The following POT1 variants were observed in gnomAD, a reference collection of about 807,000 sequenced individuals.
The protein encoded by POT1 is protection of telomeres 1.
In POT1, 47 loss-of-function variants were observed where a neutral mutation model predicts 78.5. The observed-to-expected ratio is 0.60, with a 90% confidence interval of 0.47 to 0.76. The LOEUF is 0.76. Among genes scored for constraint, POT1 ranks in the 30% least tolerant of loss-of-function variants. The pLI, the probability that POT1 is intolerant of heterozygous loss-of-function variation, is 0.00. For missense variants in POT1, 646 were observed against 749.9 expected (o/e 0.86, Z 1.62); for synonymous variants, 259 against 260.7 (o/e 0.99, Z 0.06).
At chr7:124,868,782 T>TTATATTCAATAATAATTCAATA (rs1795794040) in intron 7 of POT1, among the ~76,000 whole-genome samples, 1 of 150,164 alleles carries the variant, frequency 6.7e-6, no homozygotes, top group East Asian at 1.9e-4. Context: ...ATTCAATATA[T>TTATATTCAATAATAATTCAATA]TATATTCAAT....
rs79361353 is a variant in POT1, at chr7:124,843,677, A to C, written c.1007-714T>G. Among the ~76,000 whole-genome samples the C allele has an allele frequency of 7.8e-3, 1,193 of 152,352 alleles. 18 individuals carry two copies. Among genetic ancestry groups the C allele is most frequent in the African/African-American group, 0.028 (1,148 of 41,576 alleles). On this transcript the variant is annotated intron_variant, in intron 12 of 18. Transcript: ENST00000357628. ...ATTGTAGTGATCAGTTTTTACTGGG[A>C]AAAAGTATAAAATTGCTGGTGACCC...
intron 3 of POT1, among the ~76,000 whole-genome samples, chr7:124,907,184 C>A (rs775936022): frequency 1.3e-5 from 2 of 152,086 alleles, no homozygotes; most frequent in Non-Finnish European, 2.9e-5. Context: ...TCACTGAAAT[C>A]TTTAAACTAA....
Position 124,842,848 on chromosome 7 carries a change from T to G in POT1, c.1122A>C (p.Leu374=), listed in dbSNP as rs143283657. The G allele has an allele frequency of 1.9e-6, 3 of 1,603,006 alleles. No homozygotes were observed. The highest frequency in any genetic ancestry group is 2.5e-6 in the Non-Finnish European group (3 of 1,177,458). Residue 374 remains leucine, a synonymous_variant, in exon 13 of 19, where the codon CTA becomes CTC. Coordinates refer to ENST00000357628, the MANE Select transcript of POT1 (RefSeq NM_015450.3). Reference sequence around the variant, plus strand: ...GGCAATGAAGTTTAACAGACTGAAATAGTCTTCTGGGCTTATATGACCTCA... The same window carrying G: ...GGCAATGAAGTTTAACAGACTGAAAGAGTCTTCTGGGCTTATATGACCTCA... ...AKLRSYKPRR[L]FQSVKLHCPK... is the part of the protein sequence containing the mutation.
At chr7:124,923,868 A>T (rs1051718404) in intron 2 of POT1, among the ~76,000 whole-genome samples, 7 of 151,718 alleles carry the variant, frequency 4.6e-5, no homozygotes, top group Non-Finnish European at 7.4e-5. Context: ...CAGAAGAGAA[A>T]GAATAACATT....
chr7:124,827,198 T>G lies in POT1; in HGVS notation c.1686+16A>C. 7.4e-7 allele frequency: 1 copy of G among 1,344,038 alleles called. No homozygotes were observed. The highest frequency in any genetic ancestry group is 1.7e-5 in the South Asian group (1 of 60,202). 83.3% of individuals were successfully genotyped at this position (1,344,038 alleles called of 1,614,324 possible). On this transcript the variant is annotated intron_variant, in intron 17 of 18. Transcript: ENST00000357628. ...ATTTTTTAATTAAAAATATCTTTAT[T>G]ACCTCTGATACTTACAGAATCCATG...
Position 124,913,918 on chromosome 7 carries a change from G to A in POT1, c.-154+1656C>T, listed in dbSNP as rs544374889. On this transcript the variant is annotated intron_variant, in intron 3 of 18. Coordinates refer to ENST00000357628, the MANE Select transcript of POT1 (RefSeq NM_015450.3). Reference sequence around the variant, plus strand: ...TGGGAGGCCGAGGTGGGTGGATCACGAGGTCAGGAGATCAAGACCATCCTG... The same window carrying A: ...TGGGAGGCCGAGGTGGGTGGATCACAAGGTCAGGAGATCAAGACCATCCTG... Among the ~76,000 whole-genome samples, 14 of 151,992 alleles carry A rather than the reference G, an allele frequency of 9.2e-5. No individual in the cohort carries two copies. The highest frequency in any genetic ancestry group is 1.3e-4 in the Non-Finnish European group (9 of 67,954).
intron 6 of POT1, among the ~76,000 whole-genome samples, chr7:124,874,366 C>T (rs190086357): frequency 6.6e-6 from 1 of 152,168 alleles, no homozygotes; most frequent in Admixed American, 6.5e-5. Context: ...TACTTACATA[C>T]AAAGCAAAGG....
chr7:124,826,868 C>CA (rs947249937), intron 17 of POT1, among the ~76,000 whole-genome samples: 2 of 112,178 alleles, frequency 1.8e-5, no homozygotes, highest in African/African-American at 6.6e-5. Context: ...GACTCCATCT[C>CA]AAAAAACAAA....
rs1259174908 is a variant in POT1, at chr7:124,823,091, T to C, written c.*871A>G. ...GCTTATCAATCAAGCCTCAGATTTC[T>C]TATCGGAAAAATAGGTTGCTGTGAG... On this transcript the variant is annotated 3_prime_UTR_variant, in exon 19 of 19. Coordinates refer to ENST00000357628, the MANE Select transcript of POT1 (RefSeq NM_015450.3). 1 of 153,358 alleles carries C rather than the reference T, an allele frequency of 6.5e-6. No individual in the cohort carries two copies. The highest frequency in any genetic ancestry group is 1.5e-5 in the Non-Finnish European group (1 of 68,756). 9.5% of individuals were successfully genotyped at this position (153,358 alleles called of 1,614,324 possible).
intron 15 of POT1, among the ~76,000 whole-genome samples, chr7:124,831,999 T>TAAAAAAA (rs752861454): frequency 2.0e-4 from 15 of 75,392 alleles, no homozygotes; most frequent in Non-Finnish European, 2.6e-4. Flanking sequence ...TTCTTAAAAA[T>TAAAAAAA]AAAAAAAAAA....
At chr7:124,839,904 T>G (rs947608899) in intron 14 of POT1, among the ~76,000 whole-genome samples, 1 of 152,068 alleles carries the variant, frequency 6.6e-6, no homozygotes, top group Admixed American at 6.6e-5. Flanking sequence ...GTCCACACTT[T>G]ACATTACTAA....
intron 9 of POT1, among the ~76,000 whole-genome samples, chr7:124,855,372 A>G (rs1795422726): frequency 6.6e-6 from 1 of 151,854 alleles, no homozygotes; most frequent in Non-Finnish European, 1.5e-5. Context: ...TTATTATACT[A>G]TCTTGTCTAC....
In POT1 at chr7:124,823,676, A is replaced by C; in HGVS notation, c.*286T>G. On this transcript the variant is annotated 3_prime_UTR_variant, in exon 19 of 19. Transcript: ENST00000357628. ...AGCACCCCAACAAAGCAACTTTGCCATTTCTACTTAAAGTACACTGTAGCT... is the reference window on the plus strand; with the variant it reads ...AGCACCCCAACAAAGCAACTTTGCCCTTTCTACTTAAAGTACACTGTAGCT... 3.6e-6 allele frequency: 1 copy of C among 278,686 alleles called. No homozygotes were observed. The highest frequency in any genetic ancestry group is 6.6e-6 in the Non-Finnish European group (1 of 150,638). The allele number at this position is 278,686 out of a possible 1,614,324, so 17.3% of individuals were successfully genotyped here.
At chr7:124,827,519 G>C (rs1794660858) in intron 16 of POT1, among the ~76,000 whole-genome samples, 1 of 152,168 alleles carries the variant, frequency 6.6e-6, no homozygotes, top group African/African-American at 2.4e-5. Context: ...TTGCCTGCTT[G>C]GTGTGTGGGT....
intron 6 of POT1, among the ~76,000 whole-genome samples, chr7:124,874,079 G>C (rs1408027678): frequency 3.3e-5 from 5 of 152,164 alleles, no homozygotes; most frequent in Non-Finnish European, 5.9e-5. Context: ...CAGCATCTTT[G>C]TATTTAACAA....
intron 7 of POT1, 99 bp from the exon 8 acceptor site, chr7:124,863,739 C>T: frequency 2.0e-6 from 2 of 1,000,636 alleles, no homozygotes; most frequent in African/African-American, 1.6e-5. Flanking sequence ...TCAATTTTGC[C>T]AGCATAATTA....
chr7:124,877,512 G>C (rs1250575848), intron 6 of POT1, among the ~76,000 whole-genome samples: 1 of 151,842 alleles, frequency 6.6e-6, no homozygotes, highest in East Asian at 1.9e-4. Flanking sequence ...AGAAGAAAGG[G>C]AGCTGATAAG....
At chr7:124,859,781 A>G (rs1345890011) in intron 8 of POT1, among the ~76,000 whole-genome samples, 1 of 151,486 alleles carries the variant, frequency 6.6e-6, no homozygotes, top group Non-Finnish European at 1.5e-5. Context: ...AATACTGTAG[A>G]TATTAAAACA....
At chr7:124,887,456 C>A (rs569935576) in intron 6 of POT1, among the ~76,000 whole-genome samples, 1 of 152,134 alleles carries the variant, frequency 6.6e-6, no homozygotes, top group African/African-American at 2.4e-5. Flanking sequence ...ATGCTGACCA[C>A]AAGAAAAAGA....
Sources: gnomAD v4.1 joint callset for allele counts (sites outside exome capture counted in the v4.1 genomes callset) on GRCh38, gnomAD v4.1.1 for gene constraint, MANE v1.5 for transcripts, NCBI Gene and HGNC (gene_info 2026-07-23, HGNC 2026-07-21) for gene names.